The following DUSP19 variants were observed in gnomAD, a reference collection of about 807,000 sequenced individuals.
DUSP19 encodes the protein dual specificity phosphatase 19, also known as dual specificity protein phosphatase 19.
In DUSP19, 14 loss-of-function variants were observed where a neutral mutation model predicts 16.6. The observed-to-expected ratio is 0.84, with a 90% CI of 0.56 to 1.32. The LOEUF is 1.32. Ranked by LOEUF, DUSP19 falls within the 40% of genes most tolerant of loss-of-function variation. The pLI is 0.00. For missense variants in DUSP19, 258 were observed against 255.9 expected, an observed-to-expected ratio of 1.01 and a Z score of -0.06; for synonymous variants, 81 against 90.5, an observed-to-expected ratio of 0.90 and a Z score of 0.59.
chr2:183,086,639 C>T (rs77445216), intron 2 of DUSP19, among the ~76,000 whole-genome samples: 22,990 of 144,558 alleles, frequency 0.16, 2,083 homozygotes, highest in African/African-American at 0.27. Flanking sequence ...GAGACCCGCC[C>T]CCCTCTTCTC....
intron 2 of DUSP19, among the ~76,000 whole-genome samples, chr2:183,085,867 T>G (rs911710874): frequency 1.2e-4 from 16 of 129,838 alleles, no homozygotes; most frequent in Middle Eastern, 3.6e-3. Flanking sequence ...TTTTTTTTTT[T>G]TTTTTTTTTT....
At chr2:183,091,315 A>G (rs1699729431) in intron 3 of DUSP19, among the ~76,000 whole-genome samples, 1 of 152,166 alleles carries the variant, frequency 6.6e-6, no homozygotes, top group Admixed American at 6.5e-5. Flanking sequence ...TGAACAAATA[A>G]TTGGACAAAA....
At chr2:183,083,809 C>T (rs1343747989) in intron 2 of DUSP19, among the ~76,000 whole-genome samples, 1 of 152,144 alleles carries the variant, frequency 6.6e-6, no homozygotes, top group Non-Finnish European at 1.5e-5. Context: ...GCATGTCTTT[C>T]TTGCCTGTGT....
rs1699550879 is a variant in DUSP19 at position 183,078,769 on chromosome 2, G to A, written c.-165G>A. The A allele has an allele frequency of 4.9e-6, 3 of 616,818 alleles. No homozygotes were observed. Among genetic ancestry groups the A allele is most frequent in the Non-Finnish European group, 8.4e-6 (3 of 355,482 alleles). 38.2% of individuals were successfully genotyped at this position (616,818 alleles called of 1,614,324 possible). On this transcript the variant is annotated 5_prime_UTR_variant, in exon 1 of 4. Transcript: ENST00000354221. ...CTTACATTGCATCGCTGGGATAAACGGAGCTGGACGACTCAGTCTCTTGGT... is the reference window on the plus strand; with the variant it reads ...CTTACATTGCATCGCTGGGATAAACAGAGCTGGACGACTCAGTCTCTTGGT...
At chr2:183,086,700 G>A (rs886451796) in intron 2 of DUSP19, among the ~76,000 whole-genome samples, 2 of 150,408 alleles carry the variant, frequency 1.3e-5, no homozygotes, top group African/African-American at 4.9e-5. Context: ...GTACACGCCT[G>A]TAGTCCCAGC....
intron 3 of DUSP19, among the ~76,000 whole-genome samples, chr2:183,089,232 A>G (rs1265535657): frequency 6.6e-6 from 1 of 152,164 alleles, no homozygotes; most frequent in Non-Finnish European, 1.5e-5. Context: ...TGATGCGTTT[A>G]CCCTGCTGGG....
Position 183,078,970 on chromosome 2 carries a change from C to T in DUSP19, c.37C>T (p.Arg13Trp), listed in dbSNP as rs373641938. The T allele has an allele frequency of 4.3e-6, 7 of 1,613,944 alleles. No homozygotes were observed. The African/African-American group carries it at 6.7e-5, about 15-fold the overall frequency. Reference protein sequence around the residue: ...SLNQEIKAFSRNNLRKQCTRV... With the variant: ...SLNQEIKAFSWNNLRKQCTRV... The stretch of plus-strand genomic sequence containing the variant: ...TAACCAGGAAATTAAAGCATTCTCC[C>T]GGAATAATCTCAGGAAGCAATGCAC... The change falls in exon 1 of 4, where the codon CGG (arginine) becomes TGG (tryptophan). Residue 13 changes from arginine to tryptophan, a missense_variant. Arg to Trp is a moderately radical substitution (Grantham distance 101). Transcript: ENST00000354221.
Position 183,099,537 on chromosome 2 carries a change from C to T in DUSP19, c.*3879C>T, listed in dbSNP as rs1699847798. The stretch of plus-strand genomic sequence containing the variant: ...TTAGACTTTTCTATTTCAAGTAAAG[C>T]TTTGAGTTACTTGTTTTTATACATA... On this transcript the variant is annotated 3_prime_UTR_variant, in exon 4 of 4. Transcript: ENST00000354221. 6.6e-6 allele frequency: 1 copy of T among 152,046 alleles called. No homozygotes were observed. The highest frequency in any genetic ancestry group is 2.1e-4 in the South Asian group (1 of 4,826). The allele number at this position is 152,046 out of a possible 1,614,324, so 9.4% of individuals were successfully genotyped here.
Position 183,081,898 on chromosome 2 carries a change from AAAG to A in DUSP19, c.227-1609_227-1607del, listed in dbSNP as rs943989007. ...CCAGATGGGTAACTTAAAAAAAAAA[AAAG>A]TTTATGAAATAGAACCTAATTCAGG... On this transcript the variant is annotated intron_variant, in intron 1 of 3. Coordinates refer to ENST00000354221, the MANE Select transcript of DUSP19 (RefSeq NM_080876.4). Among the ~76,000 whole-genome samples the A allele has an allele frequency of 5.9e-5, 9 of 152,230 alleles. No homozygotes were observed. The South Asian group carries it at 6.2e-4, about 11-fold the overall frequency.
chr2:183,092,699 GTTTT>G (rs781697293), intron 3 of DUSP19, among the ~76,000 whole-genome samples: 1 of 119,174 alleles, frequency 8.4e-6, no homozygotes, highest in Non-Finnish European at 1.7e-5. Flanking sequence ...TTCTGCCCAA[GTTTT>G]TTTTTTTTTT....
rs576077897 is a variant in DUSP19, at chr2:183,078,832, C to G, written c.-102C>G. On this transcript the variant is annotated 5_prime_UTR_variant, in exon 1 of 4. Transcript: ENST00000354221. The stretch of plus-strand genomic sequence containing the variant: ...CGGTTACCTGGATGGGCGAGCACCT[C>G]TGAGGCTGGCTTTGTTACCTGGGCA... 1 of 1,069,408 alleles carries G rather than the reference C, an allele frequency of 9.4e-7. No homozygotes were observed. Among genetic ancestry groups the G allele is most frequent in the Non-Finnish European group, 1.4e-6 (1 of 735,496 alleles). The allele number at this position is 1,069,408 out of a possible 1,614,324, so 66.2% of individuals were successfully genotyped here.
intron 2 of DUSP19, among the ~76,000 whole-genome samples, chr2:183,085,228 A>G (rs1699644361): frequency 6.6e-6 from 1 of 152,206 alleles, no homozygotes; most frequent in South Asian, 2.1e-4. Context: ...GTGTAAAGTA[A>G]GAGAGAAGAG....
chr2:183,084,857 A>C (rs1201754973), intron 2 of DUSP19, among the ~76,000 whole-genome samples: 1 of 152,214 alleles, frequency 6.6e-6, no homozygotes, highest in Non-Finnish European at 1.5e-5. Flanking sequence ...TGGAGATAGA[A>C]TTAGATAGAT....
At chr2:183,091,776 G>A (rs750161324) in intron 3 of DUSP19, among the ~76,000 whole-genome samples, 9 of 152,158 alleles carry the variant, frequency 5.9e-5, no homozygotes, top group East Asian at 1.9e-4. Flanking sequence ...AGTAGCCCCC[G>A]GTGCTTTTGT....
chr2:183,083,452 T>C, intron 1 of DUSP19, 56 bp from the exon 2 acceptor site: 1 of 1,472,078 alleles, frequency 6.8e-7, no homozygotes. Context: ...GAAATTTATA[T>C]AAAAGTTCAA....
intron 2 of DUSP19, among the ~76,000 whole-genome samples, chr2:183,085,863 T>TG: frequency 8.2e-6 from 1 of 121,494 alleles, no homozygotes; most frequent in South Asian, 3.0e-4. Flanking sequence ...TTTTTTTTTT[T>TG]TTTTTTTTTT....
rs145225950 is a variant in DUSP19 at position 183,095,519 on chromosome 2, C to T, written c.515C>T (p.Ser172Leu). 6.2e-7 allele frequency: 1 copy of T among 1,613,692 alleles called. No individual in the cohort carries two copies. The highest frequency in any genetic ancestry group is 8.5e-7 in the Non-Finnish European group (1 of 1,179,896). ...IGFLMNSEQT[S>L]FTSAFSLVKN... ...TTCCTGATGAATTCTGAACAAACCTCATTTACCAGTGCTTTTTCTTTGGTG... is the reference window on the plus strand; with the variant it reads ...TTCCTGATGAATTCTGAACAAACCTTATTTACCAGTGCTTTTTCTTTGGTG... Residue 172 changes from serine (S) to leucine (L), a missense_variant, in exon 4 of 4, where the codon TCA becomes TTA. Coordinates refer to ENST00000354221, the MANE Select transcript of DUSP19 (RefSeq NM_080876.4).
In DUSP19 at chr2:183,095,622, C is replaced by T; in HGVS notation, c.618C>T (p.Ser206=). 6.2e-7 allele frequency: 1 copy of T among 1,613,848 alleles called. No individual in the cohort carries two copies. The highest frequency in any genetic ancestry group is 2.2e-5 in the East Asian group (1 of 44,864). Reference sequence around the variant, plus strand: ...GTACATATCAAGAGGGCAAAGAAAGCAATAAGTGTGACAGAATACAGGAGA... The same window carrying T: ...GTACATATCAAGAGGGCAAAGAAAGTAATAAGTGTGACAGAATACAGGAGA... The part of the protein sequence containing the change: ...QLRTYQEGKE[S]NKCDRIQENS... Residue 206 remains serine, a synonymous_variant, in exon 4 of 4, where the codon AGC becomes AGT. Transcript: ENST00000354221.
intron 2 of DUSP19, 72 bp from the exon 3 acceptor site, chr2:183,086,968 A>G (rs1480404969): frequency 6.8e-7 from 1 of 1,460,388 alleles, no homozygotes; most frequent in Non-Finnish European, 9.3e-7. Context: ...ATAGATATCA[A>G]CACCCCAGTC....
Sources: allele counts gnomAD v4.1 joint callset (sites outside exome capture counted in the v4.1 genomes callset), GRCh38; gene constraint gnomAD v4.1.1; transcripts MANE v1.5; gene names NCBI Gene and HGNC (gene_info 2026-07-23, HGNC 2026-07-21).